The following CTNNA3 variants were observed in gnomAD, a reference collection of about 807,000 sequenced individuals.
CTNNA3 encodes catenin alpha 3.
In CTNNA3, 76 loss-of-function variants were observed where a neutral mutation model predicts 95.7. That is an observed-to-expected ratio of 0.79 (90% CI 0.66 to 0.96). The LOEUF (loss-of-function observed/expected upper bound fraction) is 0.96, where lower values mean the gene tolerates loss of function less well. CTNNA3 is among the 40% of genes least tolerant of loss of function. The pLI is 0.00. For missense variants in CTNNA3, 1,191 were observed against 1,089.8 expected (o/e 1.09, Z -1.31); for synonymous variants, 431 against 374.4 (o/e 1.15, Z -1.74).
At chr10:67,246,992 ACAGT>A (rs1268651549) in intron 5 of CTNNA3, among the ~76,000 whole-genome samples, 1 of 152,204 alleles carries the variant, frequency 6.6e-6, no homozygotes, top group Admixed American at 6.5e-5. Context: ...ATACTCAGAG[ACAGT>A]CAATTTCAGT....
intron 7 of CTNNA3, among the ~76,000 whole-genome samples, chr10:66,777,742 GGACA>G (rs1478910990): frequency 4.2e-5 from 6 of 142,818 alleles, no homozygotes; most frequent in African/African-American, 1.6e-4. Flanking sequence ...GGCAGAAGTG[GGACA>G]GACAAAGAGA....
intron 10 of CTNNA3, among the ~76,000 whole-genome samples, chr10:66,556,337 T>A (rs564311437): frequency 1.3e-5 from 2 of 152,210 alleles, no homozygotes; most frequent in Non-Finnish European, 2.9e-5. Context: ...AGAACTACCA[T>A]ATGATCCGGT....
At chr10:66,839,029 CT>C (rs1178159834) in intron 7 of CTNNA3, among the ~76,000 whole-genome samples, 2 of 39,402 alleles carry the variant, frequency 5.1e-5, no homozygotes, top group Non-Finnish European at 9.3e-5. Context: ...TACATTCATA[CT>C]TATAAAAAAA....
chr10:66,637,874 C>T (rs991046645), intron 9 of CTNNA3, among the ~76,000 whole-genome samples: 2 of 152,174 alleles, frequency 1.3e-5, no homozygotes, highest in Non-Finnish European at 2.9e-5. Context: ...GGCTGCCAGT[C>T]TTTGGAAAGC....
intron 7 of CTNNA3, among the ~76,000 whole-genome samples, chr10:67,172,711 C>T (rs1306628132): frequency 2.6e-5 from 4 of 152,068 alleles, no homozygotes; most frequent in Admixed American, 6.6e-5. Context: ...CGGTGGCTTA[C>T]GCCTGTAATC....
chr10:66,635,964 A>C (rs1845318585), intron 9 of CTNNA3, among the ~76,000 whole-genome samples: 1 of 151,276 alleles, frequency 6.6e-6, no homozygotes. Context: ...AATTGCCGAT[A>C]ATGAGTGAAA....
chr10:67,189,981 T>A (rs1194397476), intron 6 of CTNNA3, among the ~76,000 whole-genome samples: 2 of 152,138 alleles, frequency 1.3e-5, no homozygotes, highest in Admixed American at 1.3e-4. Flanking sequence ...AATAGTGATG[T>A]GGGGAATGTC....
chr10:66,767,390 G>A (rs1399330983), intron 8 of CTNNA3, among the ~76,000 whole-genome samples: 1 of 150,590 alleles, frequency 6.6e-6, no homozygotes, highest in Non-Finnish European at 1.5e-5. Context: ...AGGTTGCAGT[G>A]AGCTGAGATC....
In CTNNA3 at chr10:65,966,743, G is replaced by A; in HGVS notation, c.2269C>T (p.Pro757Ser). ...VLARQIANQC[P>S]DPSCKQDLLA... ...AAGTCCTGTTTACAAGATGGATCTG[G>A]GCACTAAATATGAATCAAAGATAAA... The change falls in exon 17 of 18, where the codon CCA (proline) becomes TCA (serine). Residue 757 changes from proline (P) to serine (S), a missense_variant. By Grantham distance (74) the Pro-to-Ser change is moderately conservative. Transcript: ENST00000433211. The A allele has an allele frequency of 6.2e-7, 1 of 1,606,516 alleles. No homozygotes were observed. Among genetic ancestry groups the A allele is most frequent in the Non-Finnish European group, 8.5e-7 (1 of 1,174,522 alleles).
intron 15 of CTNNA3, among the ~76,000 whole-genome samples, chr10:66,067,218 T>A (rs1387312213): frequency 6.6e-6 from 1 of 152,176 alleles, no homozygotes; most frequent in Non-Finnish European, 1.5e-5. Context: ...GATCTCCATC[T>A]CTCTGTGTAA....
intron 10 of CTNNA3, among the ~76,000 whole-genome samples, chr10:66,618,575 A>C (rs548839451): frequency 6.6e-6 from 1 of 152,174 alleles, no homozygotes; most frequent in Non-Finnish European, 1.5e-5. Context: ...AGGATTAAAG[A>C]CTTAAACGTT....
chr10:66,185,554 A>C (rs553756493), intron 13 of CTNNA3, among the ~76,000 whole-genome samples: 1 of 152,186 alleles, frequency 6.6e-6, no homozygotes, highest in East Asian at 1.9e-4. Context: ...TGAAAATATC[A>C]AGATTTCAGT....
At chr10:66,718,784 ATACT>A (rs1204997248) in intron 9 of CTNNA3, among the ~76,000 whole-genome samples, 1 of 152,100 alleles carries the variant, frequency 6.6e-6, no homozygotes, top group Non-Finnish European at 1.5e-5. Flanking sequence ...TGATCAATGA[ATACT>A]TGTTAAATGA....
chr10:67,226,601 A>C (rs1864928451), intron 5 of CTNNA3, among the ~76,000 whole-genome samples: 1 of 152,234 alleles, frequency 6.6e-6, no homozygotes, highest in Non-Finnish European at 1.5e-5. Flanking sequence ...TTATCAGCCA[A>C]GAATTTTGTA....
intron 7 of CTNNA3, among the ~76,000 whole-genome samples, chr10:67,094,715 A>G (rs932530864): frequency 6.6e-6 from 1 of 151,754 alleles, no homozygotes; most frequent in African/African-American, 2.4e-5. Context: ...AATATTTTAT[A>G]TATTAAAAAA....
intron 13 of CTNNA3, among the ~76,000 whole-genome samples, chr10:66,237,076 C>T (rs1325714171): frequency 6.6e-6 from 1 of 152,100 alleles, no homozygotes; most frequent in Admixed American, 6.6e-5. Context: ...CTGCCATGAG[C>T]TTATGATCAC....
At chr10:65,982,344 C>A (rs1049345912) in intron 16 of CTNNA3, among the ~76,000 whole-genome samples, 1 of 150,366 alleles carries the variant, frequency 6.7e-6, no homozygotes, top group East Asian at 2.0e-4. Context: ...AAAAACAAAA[C>A]AACAAAAAAA....
intron 7 of CTNNA3, among the ~76,000 whole-genome samples, chr10:66,806,631 G>A (rs755339326): frequency 1.6e-4 from 24 of 151,778 alleles, no homozygotes; most frequent in Admixed American, 7.9e-4. Flanking sequence ...GATTCCATAC[G>A]CAGATATACT....
chr10:66,605,489 C>G (rs932138536), intron 10 of CTNNA3, among the ~76,000 whole-genome samples: 33 of 152,086 alleles, frequency 2.2e-4, no homozygotes, highest in South Asian at 2.1e-4. Context: ...AAGAAGATCG[C>G]TCCAAGACAT....
Sources: allele counts gnomAD v4.1 joint callset (sites outside exome capture counted in the v4.1 genomes callset), GRCh38; gene constraint gnomAD v4.1.1; transcripts MANE v1.5; gene names NCBI Gene and HGNC (gene_info 2026-07-23, HGNC 2026-07-21).